PCDH9: variants seen among roughly 807,000 people sequenced by gnomAD.
PCDH9 encodes protocadherin-9.
A neutral mutation model predicts 70.6 loss-of-function variants in PCDH9; 24 were observed. The ratio of observed to expected loss-of-function variants is 0.34; its 90% confidence interval spans 0.25 to 0.48. PCDH9 has a LOEUF of 0.48. Among genes scored for constraint, PCDH9 ranks in the 20% least tolerant of loss-of-function variants. The probability of loss-of-function intolerance (pLI) is 0.99; values close to 1 mark genes in which losing one functional copy is unlikely to be tolerated. For synonymous variants in PCDH9, 562 were observed against 558.5 expected (o/e 1.01, Z -0.09); for missense variants, 1,281 against 1,503.6 (o/e 0.85, Z 2.45).
chr13:66,985,453 A>G (rs528379791), intron 2 of PCDH9: 9 of 152,200 alleles, frequency 5.9e-5, no homozygotes, highest in African/African-American at 2.2e-4. Context: ...AGTACATTGT[A>G]TATACAGTTA....
chr13:66,569,642 C>T lies in PCDH9; in HGVS notation c.3340+61568G>A, dbSNP rs1056796511. The stretch of plus-strand genomic sequence containing the variant: ...GTATAGTCAAATTACCATTCATGAA[C>T]ATTTTGGTTGTTTATTGGTTGAGGG... On this transcript the variant is annotated intron_variant, in intron 4 of 4. Coordinates refer to ENST00000377865, the MANE Select transcript of PCDH9 (RefSeq NM_203487.3). Among the ~76,000 whole-genome samples, 6 of 152,036 alleles carry T rather than the reference C, an allele frequency of 3.9e-5. No individual in the cohort carries two copies. In the East Asian group the frequency reaches 9.6e-4, roughly 24 times the overall value.
rs530135176 is a variant in PCDH9, at chr13:66,415,397, C to G, written c.3341-110369G>C. Among the ~76,000 whole-genome samples, 19 of 152,272 alleles carry G rather than the reference C, an allele frequency of 1.2e-4. No homozygotes were observed. The South Asian group carries it at 3.9e-3, about 32-fold the overall frequency. On this transcript the variant is annotated intron_variant, in intron 4 of 4. Coordinates refer to ENST00000377865, the MANE Select transcript of PCDH9 (RefSeq NM_203487.3). ...ATTTCAGATTTATTAACCACAGACT[C>G]TGCATTGCCACACTTGTGTCTATAT...
At chr13:66,726,679 T>A (rs1035261297) in intron 3 of PCDH9, among the ~76,000 whole-genome samples, 2 of 152,164 alleles carry the variant, frequency 1.3e-5, no homozygotes, top group East Asian at 3.9e-4. Flanking sequence ...AGTTGTTTTT[T>A]CCTCCCTGCG....
intron 2 of PCDH9, among the ~76,000 whole-genome samples, chr13:66,992,653 C>G (rs1000858136): frequency 1.3e-5 from 2 of 151,960 alleles, no homozygotes; most frequent in African/African-American, 4.8e-5. Flanking sequence ...TATATATAGG[C>G]TAATTGATTA....
intron 3 of PCDH9, among the ~76,000 whole-genome samples, chr13:66,738,723 A>C (rs1002429140): frequency 2.6e-5 from 4 of 151,678 alleles, no homozygotes; most frequent in Non-Finnish European, 4.4e-5. Context: ...GATGAGATCA[A>C]CTGGAAGACA....
At chr13:66,858,042 A>G (rs889220714) in intron 3 of PCDH9, among the ~76,000 whole-genome samples, 1 of 152,184 alleles carries the variant, frequency 6.6e-6, no homozygotes, top group African/African-American at 2.4e-5. Flanking sequence ...TCCTTTCATC[A>G]AATTAGTTAA....
At chr13:66,310,951 G>A (rs1955549601) in intron 4 of PCDH9, among the ~76,000 whole-genome samples, 1 of 151,956 alleles carries the variant, frequency 6.6e-6, no homozygotes, top group Non-Finnish European at 1.5e-5. Context: ...CAATTTCACT[G>A]TATTTCTCCA....
intron 4 of PCDH9, among the ~76,000 whole-genome samples, chr13:66,534,609 G>T (rs953781501): frequency 3.3e-5 from 5 of 152,060 alleles, no homozygotes; most frequent in African/African-American, 9.7e-5. Flanking sequence ...AATTTGGGGG[G>T]ACACAAACAT....
chr13:66,752,367 G>C (rs1377480575), intron 3 of PCDH9, among the ~76,000 whole-genome samples: 1 of 152,006 alleles, frequency 6.6e-6, no homozygotes, highest in African/African-American at 2.4e-5. Context: ...TGCAATCTTG[G>C]CTCGCTGCAG....
intron 3 of PCDH9, among the ~76,000 whole-genome samples, chr13:66,740,096 C>G (rs1240994348): frequency 6.1e-5 from 9 of 148,300 alleles, no homozygotes; most frequent in African/African-American, 1.7e-4. Flanking sequence ...GGAAGTAAAG[C>G]TCTCCTCAGC....
chr13:66,328,213 C>T (rs1048016006), intron 4 of PCDH9, among the ~76,000 whole-genome samples: 62 of 151,996 alleles, frequency 4.1e-4, no homozygotes, highest in African/African-American at 1.4e-3. Context: ...AATTCTTTAC[C>T]AGATTATTAT....
At chr13:66,651,851 TCA>T (rs1461732138) in intron 3 of PCDH9, among the ~76,000 whole-genome samples, 1 of 152,036 alleles carries the variant, frequency 6.6e-6, no homozygotes, top group African/African-American at 2.4e-5. Flanking sequence ...TAATAATGGT[TCA>T]ATATATGCAA....
intron 3 of PCDH9, among the ~76,000 whole-genome samples, chr13:66,805,403 AGT>A (rs1169306215): frequency 6.6e-6 from 1 of 152,208 alleles, no homozygotes; most frequent in East Asian, 1.9e-4. Flanking sequence ...AAGTGACAAC[AGT>A]GTATCCACAG....
chr13:66,871,150 G>A (rs1226752687), intron 3 of PCDH9, among the ~76,000 whole-genome samples: 1 of 149,108 alleles, frequency 6.7e-6, no homozygotes, highest in Non-Finnish European at 1.5e-5. Flanking sequence ...AAAAAACCAA[G>A]CACCGCATAT....
At chr13:66,708,670 A>G (rs766169718) in intron 3 of PCDH9, among the ~76,000 whole-genome samples, 11 of 152,200 alleles carry the variant, frequency 7.2e-5, no homozygotes, top group Non-Finnish European at 1.3e-4. Context: ...GAAACGTGGA[A>G]GATACATGGC....
chr13:66,362,661 T>C (rs1243404027), intron 4 of PCDH9, among the ~76,000 whole-genome samples: 1 of 152,144 alleles, frequency 6.6e-6, no homozygotes, highest in Non-Finnish European at 1.5e-5. Context: ...TTTGTCTCTC[T>C]CTGTTCCTCT....
intron 3 of PCDH9, among the ~76,000 whole-genome samples, chr13:66,814,050 G>A (rs536883726): frequency 6.6e-6 from 1 of 152,206 alleles, no homozygotes; most frequent in South Asian, 2.1e-4. Context: ...ACATACAAAT[G>A]CCACTACATT....
chr13:66,556,971 A>G (rs56729791), intron 4 of PCDH9, among the ~76,000 whole-genome samples: 39,384 of 152,026 alleles, frequency 0.26, 5,333 homozygotes, highest in South Asian at 0.34. Context: ...CACAAAGATA[A>G]AGGAGTTATC....
chr13:66,729,080 A>G (rs2079039900), intron 3 of PCDH9, among the ~76,000 whole-genome samples: 1 of 152,116 alleles, frequency 6.6e-6, no homozygotes, highest in Admixed American at 6.6e-5. Context: ...CTTCATAGAC[A>G]TGGATATCTA....
Sources: gnomAD v4.1 joint callset for allele counts (sites outside exome capture counted in the v4.1 genomes callset) on GRCh38, gnomAD v4.1.1 for gene constraint, MANE v1.5 for transcripts, NCBI Gene and HGNC (gene_info 2026-07-23, HGNC 2026-07-21) for gene names.